EHBP1: variants seen among roughly 807,000 people sequenced by gnomAD.
EHBP1 encodes EH domain binding protein 1, also known as EH domain-binding protein 1.
In EHBP1, 55 loss-of-function variants were observed where a neutral mutation model predicts 144.0. The ratio of observed to expected loss-of-function variants is 0.38; its 90% CI spans 0.31 to 0.48. EHBP1 has a LOEUF of 0.48. EHBP1 is among the 20% of genes least tolerant of loss of function. The probability of loss-of-function intolerance (pLI) is 0.98; values close to 1 mark genes in which losing one functional copy is unlikely to be tolerated. For synonymous variants in EHBP1, 469 were observed against 472.7 expected (o/e 0.99, Z 0.10); for missense variants, 1,200 against 1,364.2 (o/e 0.88, Z 1.90).
At chr2:62,839,123 C>G (rs760835093) in intron 7 of EHBP1, among the ~76,000 whole-genome samples, 66 of 149,160 alleles carry the variant, frequency 4.4e-4, no homozygotes, top group Non-Finnish European at 7.0e-4. Flanking sequence ...TCCAGCAGCA[C>G]ATCAAAAAGC....
chr2:62,999,944 A>C lies in EHBP1; in HGVS notation c.3103+3178A>C, dbSNP rs149134802. ...AGAAACACTGTTGTAAGTGTCTACA[A>C]GCCAGACAAACCCACAAAAACCTGT... is the stretch of plus-strand genomic sequence containing the variant. On this transcript the variant is annotated intron_variant, in intron 19 of 22. Transcript: ENST00000431489. Among the ~76,000 whole-genome samples the C allele has an allele frequency of 1.3e-4, 20 of 152,370 alleles. No individual in the cohort carries two copies. The East Asian group carries it at 3.9e-3, about 29-fold the overall frequency.
chr2:62,762,125 T>G (rs1348190322), intron 3 of EHBP1, among the ~76,000 whole-genome samples: 1 of 152,140 alleles, frequency 6.6e-6, no homozygotes, highest in Non-Finnish European at 1.5e-5. Flanking sequence ...TCTGCTTTGT[T>G]AAACCCAGTG....
At chr2:62,750,072 G>A (rs1174858867) in intron 3 of EHBP1, among the ~76,000 whole-genome samples, 3 of 152,148 alleles carry the variant, frequency 2.0e-5, no homozygotes, top group Non-Finnish European at 4.4e-5. Context: ...CCTGTGTCTT[G>A]AATGGTATTG....
intron 2 of EHBP1, among the ~76,000 whole-genome samples, chr2:62,717,823 A>C (rs1362448235): frequency 6.6e-6 from 1 of 152,128 alleles, no homozygotes; most frequent in African/African-American, 2.4e-5. Flanking sequence ...AAATAATACC[A>C]TGTTGACTAA....
chr2:62,827,437 G>A (rs778733864), intron 6 of EHBP1, among the ~76,000 whole-genome samples: 2 of 152,170 alleles, frequency 1.3e-5, no homozygotes, highest in Non-Finnish European at 2.9e-5. Context: ...TTTGAGGGTG[G>A]ACTTCCTTCC....
chr2:62,808,110 C>T (rs2044658231), intron 5 of EHBP1, among the ~76,000 whole-genome samples: 1 of 150,672 alleles, frequency 6.6e-6, no homozygotes, highest in Non-Finnish European at 1.5e-5. Context: ...GTTTTTTGGC[C>T]TTTATCCTGC....
Position 62,993,902 on chromosome 2 carries a change from T to C in EHBP1, c.2904T>C (p.Asp968=). Residue 968 remains aspartate, a synonymous_variant, in exon 18 of 23, where the codon GAT becomes GAC. Coordinates refer to ENST00000431489, the MANE Select transcript of EHBP1 (RefSeq NM_001142616.3). ...AAAGGCAGAGATCAATACAGGAAGA[T>C]ACAAAGAAAGGAAATGAGGAGAAGG... ...EMKRQRSIQE[D]TKKGNEEKAA... 6.3e-7 allele frequency: 1 copy of C among 1,596,812 alleles called. No homozygotes were observed. Among genetic ancestry groups the C allele is most frequent in the Non-Finnish European group, 8.5e-7 (1 of 1,170,422 alleles).
At chr2:62,865,295 A>G (rs2049951484) in intron 9 of EHBP1, among the ~76,000 whole-genome samples, 1 of 152,200 alleles carries the variant, frequency 6.6e-6, no homozygotes, top group Admixed American at 6.5e-5. Context: ...CAAACTCTGT[A>G]GACATTAAAC....
intron 1 of EHBP1, among the ~76,000 whole-genome samples, chr2:62,679,521 C>T (rs984510245): frequency 6.6e-6 from 1 of 152,074 alleles, no homozygotes; most frequent in African/African-American, 2.4e-5. Context: ...TCTCTCCCTA[C>T]CCCCATAATT....
intron 10 of EHBP1, among the ~76,000 whole-genome samples, chr2:62,900,715 G>A (rs1303850987): frequency 2.8e-5 from 4 of 140,734 alleles, no homozygotes; most frequent in Non-Finnish European, 5.9e-5. Context: ...TTCTTTCTCT[G>A]AATTTTATCT....
chr2:62,702,100 T>C (rs2034295694), upstream of EHBP1, among the ~76,000 whole-genome samples: 1 of 152,226 alleles, frequency 6.6e-6, no homozygotes, highest in African/African-American at 2.4e-5. Flanking sequence ...TTGGGGAGTT[T>C]CTGAGGCAGT....
intron 5 of EHBP1, among the ~76,000 whole-genome samples, chr2:62,810,229 T>C (rs559789124): frequency 2.3e-4 from 35 of 152,204 alleles, no homozygotes; most frequent in African/African-American, 7.5e-4. Flanking sequence ...AATTTTCTTA[T>C]GTAATCAGAA....
chr2:62,996,560 A>G (rs2059634939), intron 18 of EHBP1, 83 bp from the exon 19 acceptor site: 1 of 1,562,052 alleles, frequency 6.4e-7, no homozygotes, highest in Non-Finnish European at 8.8e-7. Context: ...TCTCTAGGTA[A>G]GTGCTTTACT....
chr2:62,943,301 A>G (rs554557423), intron 11 of EHBP1, among the ~76,000 whole-genome samples: 1 of 144,140 alleles, frequency 6.9e-6, no homozygotes, highest in East Asian at 2.1e-4. Context: ...GCTTGAACCC[A>G]GGAGGCAGAG....
At chr2:63,024,046 G>T (rs1414320753) in intron 19 of EHBP1, among the ~76,000 whole-genome samples, 1 of 152,114 alleles carries the variant, frequency 6.6e-6, no homozygotes, top group Non-Finnish European at 1.5e-5. Flanking sequence ...CACTTTGGGA[G>T]GCCAAAGTGG....
chr2:62,986,842 C>T (rs1349520831), intron 15 of EHBP1, among the ~76,000 whole-genome samples: 1 of 152,050 alleles, frequency 6.6e-6, no homozygotes, highest in East Asian at 1.9e-4. Flanking sequence ...TCATAGTAAG[C>T]ATTTACTTAG....
At chr2:62,777,393 C>G (rs889103643) in intron 5 of EHBP1, among the ~76,000 whole-genome samples, 1 of 149,684 alleles carries the variant, frequency 6.7e-6, no homozygotes, top group African/African-American at 2.4e-5. Context: ...ATTTATTCAA[C>G]CATTCTGCAA....
chr2:62,742,941 A>G (rs1191086513), intron 2 of EHBP1, among the ~76,000 whole-genome samples: 1 of 151,962 alleles, frequency 6.6e-6, no homozygotes, highest in Non-Finnish European at 1.5e-5. Flanking sequence ...TTAATAGCTC[A>G]CTCCCCACAT....
At chr2:62,714,856 A>G (rs1302860588) in intron 2 of EHBP1, among the ~76,000 whole-genome samples, 1 of 152,212 alleles carries the variant, frequency 6.6e-6, no homozygotes, top group Admixed American at 6.5e-5. Context: ...CTGCAGAAGT[A>G]CAGTGCTGAA....
Sources: gnomAD v4.1 joint callset for allele counts (sites outside exome capture counted in the v4.1 genomes callset) on GRCh38, gnomAD v4.1.1 for gene constraint, MANE v1.5 for transcripts, NCBI Gene and HGNC (gene_info 2026-07-23, HGNC 2026-07-21) for gene names.